IL2: variants seen among roughly 807,000 people sequenced by gnomAD.
The protein encoded by IL2 is interleukin-2.
IL2 carries 3 observed loss-of-function variants against 14.6 expected under a neutral mutation model. The ratio of observed to expected loss-of-function variants is 0.21; its 90% CI spans 0.09 to 0.53. IL2 has a LOEUF of 0.53. IL2 is among the 20% of genes least tolerant of loss of function. The probability of loss-of-function intolerance (pLI) is 0.95; values close to 1 mark genes in which losing one functional copy is unlikely to be tolerated. For synonymous variants in IL2, 71 were observed against 60.0 expected (o/e 1.18, Z -0.85); for missense variants, 125 against 170.8 (o/e 0.73, Z 1.50).
intron 3 of IL2, among the ~76,000 whole-genome samples, chr4:122,452,420 T>TA (rs958224958): frequency 6.6e-6 from 1 of 152,000 alleles, no homozygotes; most frequent in Non-Finnish European, 1.5e-5. Flanking sequence ...CATAAATACT[T>TA]ACACCTATCC....
Position 122,451,686 on chromosome 4 carries a change from A to G in IL2, c.*66T>C, listed in dbSNP as rs1474956545. Reference sequence around the variant, plus strand: ...TAGCAAACCATACATTCAACAATAAATATAAAATTTAAATATTTAAATAAA... The same window carrying G: ...TAGCAAACCATACATTCAACAATAAGTATAAAATTTAAATATTTAAATAAA... On this transcript the variant is annotated 3_prime_UTR_variant, in exon 4 of 4. Coordinates refer to ENST00000226730, the MANE Select transcript of IL2 (RefSeq NM_000586.4). The G allele has an allele frequency of 7.6e-6, 4 of 529,188 alleles. No individual in the cohort carries two copies. Among genetic ancestry groups the G allele is most frequent in the Admixed American group, 4.0e-5 (1 of 25,170 alleles). 32.8% of individuals were successfully genotyped at this position (529,188 alleles called of 1,614,324 possible).
chr4:122,451,902 G>A, intron 3 of IL2, 40 bp from the exon 4 acceptor site: 1 of 1,028,120 alleles, frequency 9.7e-7, no homozygotes, highest in Non-Finnish European at 1.4e-6. Flanking sequence ...GTACAGAGTA[G>A]TTTACCTTAT....
At chr4:122,455,225 C>G (rs1560620809) in intron 2 of IL2, among the ~76,000 whole-genome samples, 2 of 151,756 alleles carry the variant, frequency 1.3e-5, no homozygotes, top group Non-Finnish European at 2.9e-5. Context: ...CTTGGATTCA[C>G]CCTGGCACAA....
intron 2 of IL2, among the ~76,000 whole-genome samples, chr4:122,454,455 A>G (rs1479920): frequency 0.98 from 148,941 of 151,826 alleles, 73,121 homozygotes; most frequent in East Asian, 1. Flanking sequence ...TGAAATAAAA[A>G]ATTATAATAC....
chr4:122,453,746 T>A lies in IL2; in HGVS notation c.315A>T (p.Leu105Phe), dbSNP rs749017354. 2.5e-6 allele frequency: 4 copies of A among 1,611,520 alleles called. No homozygotes were observed. The Admixed American group carries it at 5.0e-5, about 20-fold the overall frequency. ...SKNFHLRPRD[L>F]ISNINVIVLE... ...GAACTATTACGTTGATATTGCTGATTAAGTCCCTGGGTCTTAAGTGAAAGT... is the reference window on the plus strand; with the variant it reads ...GAACTATTACGTTGATATTGCTGATAAAGTCCCTGGGTCTTAAGTGAAAGT... Residue 105 changes from leucine (L) to phenylalanine (F), a missense_variant, in exon 3 of 4, where the codon TTA (leucine) becomes TTT (phenylalanine). Coordinates refer to ENST00000226730, the MANE Select transcript of IL2 (RefSeq NM_000586.4).
chr4:122,451,822 G>C lies in IL2; in HGVS notation c.392C>G (p.Thr131Arg). ...TTFMCEYADE[T>R]ATIVEFLNRW... is the part of the protein sequence containing the mutation. ...GTTCAGAAATTCTACAATGGTTGCTGTCTCATCAGCATATTCACACATGAA... is the reference window on the plus strand; with the variant it reads ...GTTCAGAAATTCTACAATGGTTGCTCTCTCATCAGCATATTCACACATGAA... The change falls in exon 4 of 4, where the codon ACA becomes AGA. Residue 131 changes from threonine (T) to arginine (R), a missense_variant. Coordinates refer to ENST00000226730, the MANE Select transcript of IL2 (RefSeq NM_000586.4). 2 of 1,593,798 alleles carry C rather than the reference G, an allele frequency of 1.3e-6. No homozygotes were observed. Among genetic ancestry groups the C allele is most frequent in the Non-Finnish European group, 1.7e-6 (2 of 1,168,282 alleles).
rs1243453869 is a variant in IL2, at chr4:122,456,508, A to G, written c.-68T>C. ...GTGATAGGGAACTCTTGAACAAGAGATGCAATTTATACTGTTAATTCTGGA... is the reference window on the plus strand; with the variant it reads ...GTGATAGGGAACTCTTGAACAAGAGGTGCAATTTATACTGTTAATTCTGGA... On this transcript the variant is annotated 5_prime_UTR_variant, in exon 1 of 4. Coordinates refer to ENST00000226730, the MANE Select transcript of IL2 (RefSeq NM_000586.4). The G allele has an allele frequency of 8.1e-7, 1 of 1,241,488 alleles. No homozygotes were observed. The highest frequency in any genetic ancestry group is 1.1e-6 in the Non-Finnish European group (1 of 882,560). 76.9% of individuals were successfully genotyped at this position (1,241,488 alleles called of 1,614,324 possible). A position where few individuals can be genotyped will look rare whatever the true frequency, so the allele number is the denominator to read the frequency against.
At position 122,453,730 on chromosome 4, in the gene IL2, C is replaced by A. The variant is rs756737575; in HGVS notation, c.331G>T (p.Val111Leu). The A allele has an allele frequency of 6.2e-7, 1 of 1,608,796 alleles. No individual in the cohort carries two copies. Among genetic ancestry groups the A allele is most frequent in the Non-Finnish European group, 8.5e-7 (1 of 1,177,326 alleles). ...CTTACCTTTAGTTCCAGAACTATTA[C>A]GTTGATATTGCTGATTAAGTCCCTG... ...RPRDLISNIN[V>L]IVLELKGSET... The change falls in exon 3 of 4, where the codon GTA (valine) becomes TTA (leucine). Residue 111 changes from valine to leucine, a missense_variant. Val to Leu is a conservative substitution (Grantham distance 32). Coordinates refer to ENST00000226730, the MANE Select transcript of IL2 (RefSeq NM_000586.4).
intron 3 of IL2, 33 bp from the exon 4 acceptor site, chr4:122,451,895 C>T (rs768819078): frequency 1.6e-6 from 2 of 1,215,336 alleles, no homozygotes; most frequent in Non-Finnish European, 1.2e-6. Flanking sequence ...TTTTAAAGTA[C>T]AGAGTAGTTT....
chr4:122,454,015 G>C (rs916766101), intron 2 of IL2, among the ~76,000 whole-genome samples, 162 bp from the exon 3 acceptor site: 23 of 151,732 alleles, frequency 1.5e-4, no homozygotes, highest in African/African-American at 4.6e-4. Flanking sequence ...TATAAAACTG[G>C]AAAAACTAGG....
chr4:122,453,636 A>G, intron 3 of IL2, 74 bp downstream of exon 3: 1 of 1,294,836 alleles, frequency 7.7e-7, no homozygotes, highest in Non-Finnish European at 1.1e-6. Context: ...ATGTTATGTC[A>G]CTTTAAAATG....
intron 3 of IL2, among the ~76,000 whole-genome samples, chr4:122,452,741 T>C (rs1797688940): frequency 6.6e-6 from 1 of 151,976 alleles, no homozygotes; most frequent in Admixed American, 6.6e-5. Context: ...TAAGCATAAT[T>C]GTTTAAATAT....
chr4:122,453,858 A>T lies in IL2; in HGVS notation c.208-5T>A. ...AAGATGTTTCAGTTCTGTGGCCTAG[A>T]ATAATAATTATCATCAGCTCAGTTT... On this transcript the variant is annotated splice_polypyrimidine_tract_variant and splice_region_variant and intron_variant, in intron 2 of 3. Coordinates refer to ENST00000226730, the MANE Select transcript of IL2 (RefSeq NM_000586.4). The T allele has an allele frequency of 6.3e-7, 1 of 1,599,856 alleles. No homozygotes were observed. Among genetic ancestry groups the T allele is most frequent in the Non-Finnish European group, 8.5e-7 (1 of 1,174,766 alleles).
chr4:122,452,509 T>G (rs936002443), intron 3 of IL2, among the ~76,000 whole-genome samples: 1 of 152,070 alleles, frequency 6.6e-6, no homozygotes, highest in Non-Finnish European at 1.5e-5. Flanking sequence ...TTCTGTGGAC[T>G]GGCTTTTTAG....
At chr4:122,453,938 G>T in intron 2 of IL2, 85 bp from the exon 3 acceptor site, 1 of 1,210,390 alleles carries the variant, frequency 8.3e-7, no homozygotes, top group Non-Finnish European at 1.2e-6. Context: ...TGGAGTAGCA[G>T]TATGTAGTTT....
At chr4:122,455,904 G>A (rs946918558) in intron 2 of IL2, among the ~76,000 whole-genome samples, 2 of 151,448 alleles carry the variant, frequency 1.3e-5, no homozygotes, top group Non-Finnish European at 3.0e-5. Flanking sequence ...TTGTCTTATC[G>A]ATAAAGTGAG....
intron 3 of IL2, 92 bp from the exon 4 acceptor site, chr4:122,451,954 T>C: frequency 2.2e-6 from 1 of 444,468 alleles, no homozygotes; most frequent in Non-Finnish European, 4.0e-6. Context: ...CCTGTTGCCT[T>C]TATTTTCAAG....
chr4:122,454,122 C>A (rs1797705459), intron 2 of IL2, among the ~76,000 whole-genome samples: 1 of 151,756 alleles, frequency 6.6e-6, no homozygotes, highest in African/African-American at 2.4e-5. Flanking sequence ...ATCTAAATGC[C>A]TATTACAGAT....
chr4:122,456,396 T>C lies in IL2; in HGVS notation c.45A>G (p.Ala15=). The change falls in exon 1 of 4, where the codon GCA becomes GCG. Residue 15 remains alanine (A), a synonymous_variant. Coordinates refer to ENST00000226730, the MANE Select transcript of IL2 (RefSeq NM_000586.4). ...AAGTAGGTGCACTGTTTGTGACAAGTGCAAGACTTAGTGCAATGCAAGACA... is the reference window on the plus strand; with the variant it reads ...AAGTAGGTGCACTGTTTGTGACAAGCGCAAGACTTAGTGCAATGCAAGACA... ...QLLSCIALSL[A]LVTNSAPTSS... 1 of 1,612,396 alleles carries C rather than the reference T, an allele frequency of 6.2e-7. No homozygotes were observed.
Sources: allele counts gnomAD v4.1 joint callset (sites outside exome capture counted in the v4.1 genomes callset), GRCh38; gene constraint gnomAD v4.1.1; transcripts MANE v1.5; gene names NCBI Gene and HGNC (gene_info 2026-07-23, HGNC 2026-07-21).